PRELID2: variants seen among roughly 807,000 people sequenced by gnomAD.
PRELID2 encodes the protein PRELI domain-containing protein 2.
Under a neutral mutation model 28.4 loss-of-function variants are expected in PRELID2, and 25 were observed. That is an observed-to-expected ratio of 0.88 (90% CI 0.64 to 1.23). PRELID2 has a LOEUF of 1.23. Among genes scored for constraint, PRELID2 ranks in the 50% most tolerant of loss-of-function variants. The probability of loss-of-function intolerance (pLI) is 0.00; values close to 1 mark genes in which losing one functional copy is unlikely to be tolerated. For missense variants in PRELID2, 201 were observed against 214.4 expected, an observed-to-expected ratio of 0.94 and a Z score of 0.39; for synonymous variants, 76 against 71.6, an observed-to-expected ratio of 1.06 and a Z score of -0.31.
the PRELID2 span, among the ~76,000 whole-genome samples, chr5:145,439,830 T>G: frequency 1.4e-4 from 21 of 152,220 alleles, no homozygotes; most frequent in Non-Finnish European, 2.8e-4. Context: ...TCAAATTCAT[T>G]CTTTACATTT....
intron 1 of PRELID2, among the ~76,000 whole-genome samples, chr5:145,545,045 G>C (rs937809338): frequency 6.6e-6 from 1 of 152,084 alleles, no homozygotes; most frequent in African/African-American, 2.4e-5. Context: ...AATTCATATA[G>C]AGCTCAAAGA....
chr5:145,355,607 A>G, the PRELID2 span, among the ~76,000 whole-genome samples: 2 of 152,294 alleles, frequency 1.3e-5, no homozygotes, highest in South Asian at 4.1e-4. Flanking sequence ...ACCTATGTTC[A>G]CAGGACCTAC....
chr5:145,622,512 G>A (rs1753786660), intron 1 of PRELID2, among the ~76,000 whole-genome samples: 1 of 152,064 alleles, frequency 6.6e-6, no homozygotes, highest in Admixed American at 6.6e-5. Flanking sequence ...AAATATAGAT[G>A]AACCAAAACA....
intron 1 of PRELID2, among the ~76,000 whole-genome samples, chr5:145,720,371 A>C (rs1362572756): frequency 1.3e-5 from 2 of 151,886 alleles, no homozygotes; most frequent in Non-Finnish European, 2.9e-5. Context: ...GGGAAAAAAA[A>C]ATCTTACAAT....
intron 1 of PRELID2, among the ~76,000 whole-genome samples, chr5:145,577,339 A>G (rs1332679792): frequency 6.6e-6 from 1 of 152,142 alleles, no homozygotes; most frequent in African/African-American, 2.4e-5. Flanking sequence ...GCAATAAAAT[A>G]CACAGAAACA....
the PRELID2 span, among the ~76,000 whole-genome samples, chr5:145,288,732 G>A: frequency 6.6e-6 from 1 of 151,972 alleles, no homozygotes; most frequent in Non-Finnish European, 1.5e-5. Context: ...ATATTCATGT[G>A]CACTATATTA....
intron 1 of PRELID2, among the ~76,000 whole-genome samples, chr5:145,569,034 C>T (rs1752993540): frequency 6.6e-6 from 1 of 152,198 alleles, no homozygotes; most frequent in South Asian, 2.1e-4. Flanking sequence ...CAAAGAAACA[C>T]TGTAAAGATT....
At chr5:145,678,134 C>T (rs1005954171) in intron 1 of PRELID2, among the ~76,000 whole-genome samples, 4 of 152,158 alleles carry the variant, frequency 2.6e-5, no homozygotes, top group African/African-American at 9.7e-5. Context: ...AAACTTGATG[C>T]TGAGGGTAAA....
At chr5:145,787,542 C>A (rs1048308627) in intron 5 of PRELID2, among the ~76,000 whole-genome samples, 2 of 54,688 alleles carry the variant, frequency 3.7e-5, no homozygotes, top group Non-Finnish European at 6.5e-5. Context: ...TGAAAAGAGG[C>A]AACAATTTTT....
the PRELID2 span, among the ~76,000 whole-genome samples, chr5:145,289,206 G>A: frequency 6.6e-6 from 1 of 151,928 alleles, no homozygotes; most frequent in Non-Finnish European, 1.5e-5. Context: ...TTTAACAATT[G>A]CATAACATCA....
intron 1 of PRELID2, among the ~76,000 whole-genome samples, chr5:145,601,060 G>A (rs1753389459): frequency 6.6e-6 from 1 of 152,118 alleles, no homozygotes; most frequent in Non-Finnish European, 1.5e-5. Flanking sequence ...GGAGACTGAG[G>A]TGGGAGGATC....
chr5:145,417,760 G>A, the PRELID2 span, among the ~76,000 whole-genome samples: 1 of 152,090 alleles, frequency 6.6e-6, no homozygotes, highest in Admixed American at 6.6e-5. Flanking sequence ...AATAATAAGA[G>A]CCATACACGA....
the PRELID2 span, among the ~76,000 whole-genome samples, chr5:145,288,028 C>T: frequency 3.9e-5 from 6 of 152,240 alleles, no homozygotes; most frequent in Non-Finnish European, 7.4e-5. Context: ...AGGTAAAGTG[C>T]CTTTTTCATC....
chr5:145,487,861 A>G (rs1752231561), intron 1 of PRELID2, among the ~76,000 whole-genome samples: 1 of 151,900 alleles, frequency 6.6e-6, no homozygotes, highest in Non-Finnish European at 1.5e-5. Flanking sequence ...CGCGTGGCTC[A>G]TGCCTGTAAT....
intron 1 of PRELID2, among the ~76,000 whole-genome samples, chr5:145,564,926 G>A (rs376689781): frequency 1.2e-4 from 18 of 152,078 alleles, no homozygotes; most frequent in Non-Finnish European, 2.2e-4. Context: ...GGCTTCCTGC[G>A]CTTCCCGGAT....
At chr5:145,417,696 T>A in the PRELID2 span, among the ~76,000 whole-genome samples, 4 of 151,998 alleles carry the variant, frequency 2.6e-5, no homozygotes, top group Non-Finnish European at 5.9e-5. Context: ...AAATTCAACA[T>A]CCCTTCATGT....
chr5:145,410,796 T>A, the PRELID2 span, among the ~76,000 whole-genome samples: 1 of 152,060 alleles, frequency 6.6e-6, no homozygotes, highest in Non-Finnish European at 1.5e-5. Flanking sequence ...GAATCTCATG[T>A]CCTTACATTA....
chr5:145,299,551 T>C, the PRELID2 span, among the ~76,000 whole-genome samples: 3 of 152,076 alleles, frequency 2.0e-5, no homozygotes, highest in African/African-American at 2.4e-5. Context: ...GCACTGTGTA[T>C]GTCCTGACAC....
At chr5:145,579,776 T>C (rs112577960) in intron 1 of PRELID2, among the ~76,000 whole-genome samples, 51 of 152,184 alleles carry the variant, frequency 3.4e-4, no homozygotes, top group African/African-American at 1.2e-3. Flanking sequence ...CTTTTTAAGT[T>C]ATTGGGTCTT....
Sources: gnomAD v4.1 joint callset for allele counts (sites outside exome capture counted in the v4.1 genomes callset) on GRCh38, gnomAD v4.1.1 for gene constraint, MANE v1.5 for transcripts, NCBI Gene and HGNC (gene_info 2026-07-23, HGNC 2026-07-21) for gene names.